NHSL2: variants seen among roughly 807,000 people sequenced by gnomAD.
The protein encoded by NHSL2 is NHS like 2, also known as NHS-like protein 2.
In NHSL2, 27 loss-of-function variants were observed where a neutral mutation model predicts 53.4. That is an observed-to-expected ratio of 0.51 (90% CI 0.37 to 0.70). The LOEUF is 0.70. Among genes scored for constraint, NHSL2 ranks in the 30% least tolerant of loss-of-function variants. The probability of loss-of-function intolerance (pLI) is 0.00; values close to 1 mark genes in which losing one functional copy is unlikely to be tolerated. For missense variants in NHSL2, 892 were observed against 980.1 expected, an observed-to-expected ratio of 0.91 and a Z score of 1.20; for synonymous variants, 408 against 404.1, an observed-to-expected ratio of 1.01 and a Z score of -0.12.
intron 1 of NHSL2, among the ~76,000 whole-genome samples, chrX:71,937,831 A>G (rs1306979050): frequency 1.8e-5 from 2 of 112,269 alleles, no homozygotes; most frequent in African/African-American, 6.5e-5. Context: ...CTTTATGTCT[A>G]TGATGAGTTA....
chrX:72,139,544 T>A lies in NHSL2; in HGVS notation c.1996T>A (p.Cys666Ser). 3 of 1,210,926 alleles carry A rather than the reference T, an allele frequency of 2.5e-6. No individual in the cohort carries two copies. Among genetic ancestry groups the A allele is most frequent in the Non-Finnish European group, 3.4e-6 (3 of 895,012 alleles). ...TGCCACTGGCACCACAGTCATTGAGTGCACCCAAGTTCAGGGCAGCTCAGA... is the reference window on the plus strand; with the variant it reads ...TGCCACTGGCACCACAGTCATTGAGAGCACCCAAGTTCAGGGCAGCTCAGA... ...STATGTTVIE[C>S]TQVQGSSESL... is the part of the protein sequence containing the mutation. The change falls in exon 6 of 8, where the codon TGC becomes AGC. Residue 666 changes from cysteine to serine, a missense_variant. Transcript: ENST00000633930.
chrX:72,037,980 C>G (rs1257938523), intron 1 of NHSL2, among the ~76,000 whole-genome samples: 3 of 112,059 alleles, frequency 2.7e-5, no homozygotes, highest in Non-Finnish European at 3.8e-5. Context: ...GATCAACCCC[C>G]TTTTTAACAC....
intron 1 of NHSL2, among the ~76,000 whole-genome samples, chrX:71,931,712 T>A (rs1004232313): frequency 1.8e-5 from 2 of 112,897 alleles, no homozygotes; most frequent in Non-Finnish European, 3.7e-5. Context: ...TCAATTCTAT[T>A]ACTTTGATCT....
At chrX:71,950,275 C>T (rs983053304) in intron 1 of NHSL2, among the ~76,000 whole-genome samples, 25 of 112,807 alleles carry the variant, frequency 2.2e-4, no homozygotes, top group Non-Finnish European at 4.5e-4. Flanking sequence ...AGAGAAAGCC[C>T]ATGAGGGCAG....
At chrX:72,034,729 A>C (rs1447737420) in intron 1 of NHSL2, among the ~76,000 whole-genome samples, 1 of 112,094 alleles carries the variant, frequency 8.9e-6, no homozygotes, top group Non-Finnish European at 1.9e-5. Context: ...TGTTTATAAT[A>C]TCCTTTTAAA....
rs1214637965 is a variant in NHSL2, at chrX:72,139,775, C to T, written c.2227C>T (p.Arg743Trp). The change falls in exon 6 of 8, where the codon CGG becomes TGG. Residue 743 changes from arginine to tryptophan, a missense_variant. Coordinates refer to ENST00000633930, the MANE Select transcript of NHSL2 (RefSeq NM_001013627.3). ...GHLPPPSSSV[R>W]VRPVVPERKS... ...CTTACCCCCTCCAAGCAGCAGTGTC[C>T]GGGTACGTCCAGTGGTACCTGAGAG... 5.8e-6 allele frequency: 7 copies of T among 1,208,807 alleles called. No homozygotes were observed. The Admixed American group carries it at 6.6e-5, about 11-fold the overall frequency.
chrX:72,139,316 T>G lies in NHSL2; in HGVS notation c.1768T>G (p.Ser590Ala), dbSNP rs780701822. 11 of 1,209,181 alleles carry G rather than the reference T, an allele frequency of 9.1e-6. No individual in the cohort carries two copies. The highest frequency in any genetic ancestry group is 1.2e-5 in the Non-Finnish European group (11 of 894,118). ...GCCAGGCCTCTTGCCTGAAGGTGGG[T>G]CAGCACTACCCAAGGACCAGAGGCC... Reference protein sequence around the residue: ...DEPGLLPEGGSALPKDQRPKS... With the variant: ...DEPGLLPEGGAALPKDQRPKS... Residue 590 changes from serine to alanine, a missense_variant, in exon 6 of 8, where the codon TCA becomes GCA. Ser to Ala is a moderately conservative substitution (Grantham distance 99). Coordinates refer to ENST00000633930, the MANE Select transcript of NHSL2 (RefSeq NM_001013627.3).
chrX:72,128,896 T>C (rs2042253890), intron 1 of NHSL2: 1 of 113,621 alleles, frequency 8.8e-6, no homozygotes, highest in African/African-American at 3.2e-5. Context: ...AGAGTCACTC[T>C]TTACAATGGC....
chrX:72,134,363 C>A, intron 3 of NHSL2, 145 bp downstream of exon 3: 1 of 839,681 alleles, frequency 1.2e-6, no homozygotes, highest in African/African-American at 2.0e-5. Flanking sequence ...AGGCCCTGCA[C>A]AGCAGGTGCC....
Position 72,150,660 on chromosome X carries a change from C to G in NHSL2, c.*7086C>G, listed in dbSNP as rs2070031153. Reference sequence around the variant, plus strand: ...GCCTAATGTTCCTTAGTGTGGCTCTCTCTTTAGTTGGGGCCTCCTTCCTTA... The same window carrying G: ...GCCTAATGTTCCTTAGTGTGGCTCTGTCTTTAGTTGGGGCCTCCTTCCTTA... On this transcript the variant is annotated 3_prime_UTR_variant, in exon 8 of 8. Transcript: ENST00000633930. 1 of 112,378 alleles carries G rather than the reference C, an allele frequency of 8.9e-6. No individual in the cohort carries two copies. Among genetic ancestry groups the G allele is most frequent in the African/African-American group, 3.2e-5 (1 of 30,908 alleles). 9.3% of individuals were successfully genotyped at this position (112,378 alleles called of 1,213,427 possible). A position where few individuals can be genotyped will look rare whatever the true frequency, so the allele number is the denominator to read the frequency against.
rs1362749755 is a variant in NHSL2 at position 72,131,393 on chromosome X, C to A, written c.281-686C>A. On this transcript the variant is annotated intron_variant, in intron 1 of 7. Transcript: ENST00000633930. Reference sequence around the variant, plus strand: ...ACTGGCCAGCGGATGTAGCTGGAGACATTGCCCCGCAAGGAATTAACCTCG... The same window carrying A: ...ACTGGCCAGCGGATGTAGCTGGAGAAATTGCCCCGCAAGGAATTAACCTCG... The A allele has an allele frequency of 8.3e-7, 1 of 1,211,162 alleles. No individual in the cohort carries two copies. Among genetic ancestry groups the A allele is most frequent in the Non-Finnish European group, 1.1e-6 (1 of 895,225 alleles).
intron 1 of NHSL2, among the ~76,000 whole-genome samples, chrX:72,087,329 T>A (rs768241866): frequency 8.9e-6 from 1 of 112,252 alleles, no homozygotes; most frequent in South Asian, 3.7e-4. Flanking sequence ...GACAGAAAGT[T>A]GACTAGAAGT....
chrX:72,000,909 G>T (rs2042069854), intron 1 of NHSL2, among the ~76,000 whole-genome samples: 1 of 112,469 alleles, frequency 8.9e-6, no homozygotes, highest in Non-Finnish European at 1.9e-5. Context: ...AGGTTCCAGA[G>T]GTTAGGATGT....
Position 71,911,381 on chromosome X carries a change from C to G in NHSL2, c.280+14C>G. The stretch of plus-strand genomic sequence containing the variant: ...AGGAAGAGCTAGGTAAAAACGGCGC[C>G]CCGGTGGCTCGCGGCCCCGCGTCTA... On this transcript the variant is annotated intron_variant, in intron 1 of 7. Transcript: ENST00000633930. The G allele has an allele frequency of 9.5e-7, 1 of 1,047,456 alleles. No individual in the cohort carries two copies. The highest frequency in any genetic ancestry group is 1.2e-6 in the Non-Finnish European group (1 of 815,290). The allele number at this position is 1,047,456 out of a possible 1,213,427, so 86.3% of individuals were successfully genotyped here.
At chrX:71,996,596 T>C (rs1274262277) in intron 1 of NHSL2, among the ~76,000 whole-genome samples, 13 of 112,505 alleles carry the variant, frequency 1.2e-4, no homozygotes, top group African/African-American at 3.6e-4. Context: ...ACATTAAATT[T>C]TAATCCTTAT....
rs1481982010 is a variant in NHSL2, at chrX:72,149,835, G to A, written c.*6261G>A. 1 of 111,932 alleles carries A rather than the reference G, an allele frequency of 8.9e-6. No individual in the cohort carries two copies. Among genetic ancestry groups the A allele is most frequent in the East Asian group, 2.8e-4 (1 of 3,580 alleles). 9.2% of individuals were successfully genotyped at this position (111,932 alleles called of 1,213,427 possible). A position where few individuals can be genotyped will look rare whatever the true frequency, so the allele number is the denominator to read the frequency against. On this transcript the variant is annotated 3_prime_UTR_variant, in exon 8 of 8. Transcript: ENST00000633930. ...TTATCTGCAGTCTTGGAATGTTAGA[G>A]CTGAAAGGGACCAACCTCTCTCATT...
At chrX:72,073,931 A>G (rs1840132958) in intron 1 of NHSL2, among the ~76,000 whole-genome samples, 1 of 112,583 alleles carries the variant, frequency 8.9e-6, no homozygotes, top group South Asian at 3.7e-4. Context: ...AAGTCCCACC[A>G]CATATCGTTT....
intron 1 of NHSL2, among the ~76,000 whole-genome samples, chrX:72,022,320 C>T (rs765420419): frequency 8.9e-6 from 1 of 112,736 alleles, no homozygotes; most frequent in African/African-American, 3.2e-5. Flanking sequence ...AATCTTTCTT[C>T]TCCATTCTGA....
rs947510825 is a variant in NHSL2 at position 72,035,449 on chromosome X, G to T, written c.281-96630G>T. ...CTGTCTAGTATGTCTATCAATTACTGTAAGTGGAGTGTTGAAGAACCCAAC... is the reference window on the plus strand; with the variant it reads ...CTGTCTAGTATGTCTATCAATTACTTTAAGTGGAGTGTTGAAGAACCCAAC... On this transcript the variant is annotated intron_variant, in intron 1 of 7. Coordinates refer to ENST00000633930, the MANE Select transcript of NHSL2 (RefSeq NM_001013627.3). Among the ~76,000 whole-genome samples the T allele has an allele frequency of 9.0e-5, 10 of 111,588 alleles. No homozygotes were observed. In the South Asian group the frequency reaches 1.5e-3, roughly 17 times the overall value.
Sources: gnomAD v4.1 joint callset for allele counts (sites outside exome capture counted in the v4.1 genomes callset) on GRCh38, gnomAD v4.1.1 for gene constraint, MANE v1.5 for transcripts, NCBI Gene and HGNC (gene_info 2026-07-23, HGNC 2026-07-21) for gene names.